CCDC192: variants seen among roughly 807,000 people sequenced by gnomAD.
CCDC192 encodes coiled-coil domain-containing protein 192.
intron 6 of CCDC192, 49 bp downstream of exon 6, chr5:127,875,710 T>G (rs141774558): frequency 1.0e-4 from 40 of 397,988 alleles, no homozygotes; most frequent in Non-Finnish European, 1.5e-4. Flanking sequence ...AGCTGGGTGA[T>G]GTATGTAGTT....
At chr5:127,873,965 A>C (rs941672244) in intron 5 of CCDC192, among the ~76,000 whole-genome samples, 2 of 152,210 alleles carry the variant, frequency 1.3e-5, no homozygotes, top group African/African-American at 4.8e-5. Context: ...GAATTAATCT[A>C]CATGACAGGC....
chr5:127,791,419 A>G lies in CCDC192; in HGVS notation c.223-5684A>G, dbSNP rs532877758. On this transcript the variant is annotated intron_variant, in intron 3 of 6. Coordinates refer to ENST00000514853, the MANE Select transcript of CCDC192 (RefSeq NM_001317938.2). Reference sequence around the variant, plus strand: ...TAAAATGATTTGAACATCACAGAAGATGACAAAATAAGAAGTTCTAGGAAC... The same window carrying G: ...TAAAATGATTTGAACATCACAGAAGGTGACAAAATAAGAAGTTCTAGGAAC... 2.6e-5 allele frequency among the ~76,000 whole-genome samples: 4 copies of G among 152,366 alleles called. No individual in the cohort carries two copies. The South Asian group carries it at 8.3e-4, about 32-fold the overall frequency.
At chr5:127,868,980 G>A (rs1284493508) in intron 5 of CCDC192, among the ~76,000 whole-genome samples, 2 of 152,126 alleles carry the variant, frequency 1.3e-5, no homozygotes, top group Non-Finnish European at 2.9e-5. Flanking sequence ...CTCAGTATTT[G>A]CACCTAAAAA....
chr5:127,781,055 C>T (rs1756187731), intron 3 of CCDC192, among the ~76,000 whole-genome samples: 1 of 152,130 alleles, frequency 6.6e-6, no homozygotes. Context: ...TGTGGCTAGC[C>T]ATTTATCCCA....
chr5:127,788,009 G>A (rs1756649499), intron 3 of CCDC192, among the ~76,000 whole-genome samples: 2 of 148,766 alleles, frequency 1.3e-5, no homozygotes, highest in Non-Finnish European at 3.0e-5. Context: ...TTGAACCTGG[G>A]AGGTGGAGGT....
intron 2 of CCDC192, among the ~76,000 whole-genome samples, chr5:127,712,035 G>C (rs1027381732): frequency 3.9e-5 from 6 of 151,902 alleles, no homozygotes; most frequent in Admixed American, 2.0e-4. Flanking sequence ...TCCCCCACCT[G>C]CCTCTCCCCA....
At chr5:127,854,372 A>G (rs1162577576) in intron 5 of CCDC192, among the ~76,000 whole-genome samples, 2 of 152,172 alleles carry the variant, frequency 1.3e-5, no homozygotes, top group Non-Finnish European at 2.9e-5. Context: ...TCGGTTACCC[A>G]CAGTAGAGTA....
intron 2 of CCDC192, among the ~76,000 whole-genome samples, chr5:127,753,299 A>C (rs985555234): frequency 2.0e-5 from 3 of 152,236 alleles, no homozygotes; most frequent in African/African-American, 7.2e-5. Context: ...TCACAATAGC[A>C]AAAGAGTAGT....
rs377387959 is a variant in CCDC192, at chr5:127,865,214, T to C, written c.412-10324T>C. The stretch of plus-strand genomic sequence containing the variant: ...TTCTTGTCTCTCCACCTATGAAACA[T>C]GGCTTCATAACATGAACAAAAAGCT... On this transcript the variant is annotated intron_variant, in intron 5 of 6. Coordinates refer to ENST00000514853, the MANE Select transcript of CCDC192 (RefSeq NM_001317938.2). Among the ~76,000 whole-genome samples, 35 of 152,252 alleles carry C rather than the reference T, an allele frequency of 2.3e-4. No individual in the cohort carries two copies. The Middle Eastern group carries it at 0.014, about 59-fold the overall frequency.
intron 5 of CCDC192, among the ~76,000 whole-genome samples, chr5:127,835,941 C>A (rs1263204509): frequency 6.6e-6 from 1 of 152,116 alleles, no homozygotes; most frequent in Non-Finnish European, 1.5e-5. Context: ...ATTTCAAAAC[C>A]AATCATGCCT....
intron 2 of CCDC192, among the ~76,000 whole-genome samples, chr5:127,732,449 C>T (rs1242169490): frequency 2.6e-5 from 4 of 151,890 alleles, no homozygotes; most frequent in Admixed American, 1.3e-4. Flanking sequence ...TCCTCAAAGA[C>T]ATGTAACAAG....
intron 5 of CCDC192, among the ~76,000 whole-genome samples, chr5:127,834,902 A>C (rs1304420270): frequency 2.0e-5 from 3 of 152,168 alleles, no homozygotes; most frequent in Non-Finnish European, 4.4e-5. Flanking sequence ...ATATATACAT[A>C]TTTTTTTCTT....
At chr5:127,706,553 G>T (rs1379189937) in intron 1 of CCDC192, among the ~76,000 whole-genome samples, 3 of 148,262 alleles carry the variant, frequency 2.0e-5, no homozygotes, top group Non-Finnish European at 4.5e-5. Context: ...AAAAAGTAAG[G>T]CTTTATTGAT....
At chr5:127,777,487 G>A (rs1485616947) in intron 3 of CCDC192, among the ~76,000 whole-genome samples, 2 of 152,162 alleles carry the variant, frequency 1.3e-5, no homozygotes, top group Non-Finnish European at 2.9e-5. Context: ...TTTGGACTGT[G>A]GACTTTTGAG....
chr5:127,839,010 A>C (rs894794133), intron 5 of CCDC192, among the ~76,000 whole-genome samples: 4 of 152,194 alleles, frequency 2.6e-5, no homozygotes, highest in Non-Finnish European at 4.4e-5. Context: ...CTCTTTAGGT[A>C]AATGGTTTTC....
chr5:127,712,750 T>C (rs1751410640), intron 2 of CCDC192, among the ~76,000 whole-genome samples: 1 of 152,222 alleles, frequency 6.6e-6, no homozygotes, highest in African/African-American at 2.4e-5. Context: ...AGACATATGC[T>C]TTCTTTTCTC....
chr5:127,748,941 T>A (rs1423116905), intron 2 of CCDC192, among the ~76,000 whole-genome samples: 5 of 152,090 alleles, frequency 3.3e-5, no homozygotes, highest in Non-Finnish European at 5.9e-5. Flanking sequence ...ATGCCTGTGA[T>A]TTTTGCACAT....
At chr5:127,814,218 A>G (rs1302675052) in intron 5 of CCDC192, among the ~76,000 whole-genome samples, 1 of 152,228 alleles carries the variant, frequency 6.6e-6, no homozygotes, top group Non-Finnish European at 1.5e-5. Context: ...CAGTGAGACT[A>G]GAAGTTCAGT....
intron 6 of CCDC192, among the ~76,000 whole-genome samples, chr5:127,917,831 C>T (rs1298201688): frequency 6.6e-6 from 1 of 152,094 alleles, no homozygotes; most frequent in Non-Finnish European, 1.5e-5. Context: ...ACAAAGTGAG[C>T]ACGTGCTGTT....
Sources: allele counts gnomAD v4.1 joint callset (sites outside exome capture counted in the v4.1 genomes callset), GRCh38; gene constraint gnomAD v4.1.1; transcripts MANE v1.5; gene names NCBI Gene and HGNC (gene_info 2026-07-23, HGNC 2026-07-21).